IFT43: variants seen among roughly 807,000 people sequenced by gnomAD.
The protein encoded by IFT43 is intraflagellar transport protein 43 homolog.
A neutral mutation model predicts 32.3 loss-of-function variants in IFT43; 33 were observed. The observed-to-expected ratio is 1.02, with a 90% CI of 0.77 to 1.37. The LOEUF is 1.37. IFT43 is among the 40% of genes most tolerant of loss of function. The probability of loss-of-function intolerance (pLI) is 0.00; values close to 1 mark genes in which losing one functional copy is unlikely to be tolerated. For synonymous variants in IFT43, 93 were observed against 98.2 expected, an observed-to-expected ratio of 0.95 and a Z score of 0.31; for missense variants, 274 against 265.9, an observed-to-expected ratio of 1.03 and a Z score of -0.21.
chr14:76,061,012 C>T (rs1594855033), intron 5 of IFT43, among the ~76,000 whole-genome samples: 1 of 152,172 alleles, frequency 6.6e-6, no homozygotes, highest in East Asian at 1.9e-4. Context: ...AGTAATTCTC[C>T]TGCCTCAGCC....
intron 3 of IFT43, among the ~76,000 whole-genome samples, chr14:76,029,476 T>C (rs922535890): frequency 2.0e-5 from 3 of 152,248 alleles, no homozygotes; most frequent in Non-Finnish European, 2.9e-5. Flanking sequence ...TAGATCCCAC[T>C]TGTCAATTTT....
intron 3 of IFT43, among the ~76,000 whole-genome samples, chr14:76,050,627 TGA>T (rs112205481): frequency 0.013 from 2,016 of 152,202 alleles, 55 homozygotes; most frequent in African/African-American, 0.046. Flanking sequence ...CATCTGGTGG[TGA>T]GAGTCTTTTT....
rs569612638 is a variant in IFT43, at chr14:76,071,911, AC to A, written c.296-10377del. Among the ~76,000 whole-genome samples, 15 of 150,686 alleles carry A rather than the reference AC, an allele frequency of 1.0e-4. No individual in the cohort carries two copies. The East Asian group carries it at 1.6e-3, about 16-fold the overall frequency. The stretch of plus-strand genomic sequence containing the variant: ...TCAGACGTGGTCTTTGTGTCTCCTA[AC>A]CCCCCCTGCTCACAGCCCTACTTAT... On this transcript the variant is annotated intron_variant, in intron 5 of 8. Transcript: ENST00000314067.
At chr14:76,041,672 A>ATC (rs1212100413) in intron 3 of IFT43, among the ~76,000 whole-genome samples, 2 of 152,246 alleles carry the variant, frequency 1.3e-5, no homozygotes, top group East Asian at 3.8e-4. Flanking sequence ...GATCCTAGCC[A>ATC]TCTCTCTAGA....
intron 3 of IFT43, among the ~76,000 whole-genome samples, chr14:76,041,809 A>G (rs2036712459): frequency 6.6e-6 from 1 of 152,020 alleles, no homozygotes; most frequent in Non-Finnish European, 1.5e-5. Context: ...ATTCTTTTTT[A>G]TCTTTGCAGT....
chr14:76,066,875 A>G (rs2037232777), intron 5 of IFT43, among the ~76,000 whole-genome samples: 1 of 152,198 alleles, frequency 6.6e-6, no homozygotes, highest in Non-Finnish European at 1.5e-5. Flanking sequence ...GCCCCTTCCC[A>G]GTAGACAGTC....
intron 2 of IFT43, among the ~76,000 whole-genome samples, chr14:76,003,870 C>T (rs1449587868): frequency 2.0e-5 from 3 of 151,790 alleles, no homozygotes; most frequent in Non-Finnish European, 4.4e-5. Context: ...CTCTGCCTCC[C>T]AGTTCAAGCA....
intron 5 of IFT43, among the ~76,000 whole-genome samples, chr14:76,075,917 T>G (rs2037404314): frequency 6.6e-6 from 1 of 152,244 alleles, no homozygotes; most frequent in African/African-American, 2.4e-5. Flanking sequence ...TGTCATCTCC[T>G]AAAAACACGG....
chr14:76,083,615 G>C lies in IFT43; in HGVS notation c.*38G>C. On this transcript the variant is annotated 3_prime_UTR_variant, in exon 9 of 9. Transcript: ENST00000314067. ...TGCTCTAGACATGAAGAAATGCAAT[G>C]AGCTTAAAGCTAAAGAAGCTTGTAA... 1 of 1,608,426 alleles carries C rather than the reference G, an allele frequency of 6.2e-7. No individual in the cohort carries two copies. The highest frequency in any genetic ancestry group is 8.5e-7 in the Non-Finnish European group (1 of 1,176,824).
In IFT43 at chr14:76,055,684, A is replaced by G. The variant is rs148067912; in HGVS notation, c.216-2958A>G. Among the ~76,000 whole-genome samples, 83 of 152,294 alleles carry G rather than the reference A, an allele frequency of 5.4e-4. No homozygotes were observed. In the East Asian group the frequency reaches 0.013, roughly 24 times the overall value. On this transcript the variant is annotated intron_variant, in intron 3 of 8. Transcript: ENST00000314067. ...ACCAGGCAGATAAAGTAAATCTGTG[A>G]AATGGGGTTTTATTTCAGAATGGTA... is the stretch of plus-strand genomic sequence containing the variant.
At chr14:76,000,311 C>T (rs958807341) in intron 2 of IFT43, among the ~76,000 whole-genome samples, 5 of 139,884 alleles carry the variant, frequency 3.6e-5, no homozygotes, top group Non-Finnish European at 7.5e-5. Flanking sequence ...GTTGCCCAAG[C>T]TGGAGTGCAG....
At chr14:76,027,481 G>A (rs1355059148) in intron 3 of IFT43, among the ~76,000 whole-genome samples, 5 of 152,054 alleles carry the variant, frequency 3.3e-5, no homozygotes, top group Non-Finnish European at 7.4e-5. Flanking sequence ...AGGCCGAGGC[G>A]GGTGGATCAC....
At chr14:75,996,013 T>A (rs2035739253) in intron 2 of IFT43, among the ~76,000 whole-genome samples, 1 of 152,214 alleles carries the variant, frequency 6.6e-6, no homozygotes, top group East Asian at 1.9e-4. Context: ...CATCTTGAGA[T>A]TCTCCGCCAG....
At chr14:75,990,536 G>C (rs915340385) in intron 2 of IFT43, among the ~76,000 whole-genome samples, 4 of 152,194 alleles carry the variant, frequency 2.6e-5, no homozygotes, top group African/African-American at 9.6e-5. Context: ...GCCTGCAATT[G>C]TTATTGCGCA....
At chr14:76,061,900 G>A (rs2037141536) in intron 5 of IFT43, among the ~76,000 whole-genome samples, 7 of 152,104 alleles carry the variant, frequency 4.6e-5, no homozygotes, top group Admixed American at 4.6e-4. Flanking sequence ...TGAGCATTAT[G>A]TCAGTGCTCA....
At chr14:75,989,146 G>T (rs111242983) in intron 2 of IFT43, among the ~76,000 whole-genome samples, 169 bp downstream of exon 2, 78 of 152,306 alleles carry the variant, frequency 5.1e-4, no homozygotes, top group African/African-American at 1.8e-3. Flanking sequence ...GCAGGAAATG[G>T]AAGAACTTTT....
At chr14:76,027,725 G>A (rs1170944791) in intron 3 of IFT43, among the ~76,000 whole-genome samples, 3 of 142,318 alleles carry the variant, frequency 2.1e-5, no homozygotes, top group African/African-American at 7.6e-5. Context: ...AAAAAAAAAA[G>A]ATTCATGACA....
In IFT43 at chr14:75,985,820, C is replaced by T. The variant is rs749145719; in HGVS notation, c.34C>T (p.Arg12Cys). ...EDLLDLDEEL[R>C]YSLATSRAKM... is the part of the protein sequence containing the mutation. ...TTTGCTCGACTTGGACGAGGAGCTT[C>T]GCTACAGCTTGGCTACCTCCGTGAG... Residue 12 changes from arginine (R) to cysteine (C), a missense_variant, in exon 1 of 9, where the codon CGC becomes TGC. Physicochemically the swap from Arg to Cys is radical, Grantham distance 180. Coordinates refer to ENST00000314067, the MANE Select transcript of IFT43 (RefSeq NM_001102564.3). The T allele has an allele frequency of 2.3e-5, 37 of 1,614,036 alleles. 2 individuals carry two copies. In the East Asian group the frequency reaches 5.6e-4, roughly 24 times the overall value.
chr14:75,989,114 T>G, intron 2 of IFT43, 137 bp downstream of exon 2: 2 of 1,111,018 alleles, frequency 1.8e-6, no homozygotes, highest in South Asian at 1.4e-5. Context: ...GGGAATTCCC[T>G]TCCTTGGCAT....
Sources: gnomAD v4.1 joint callset for allele counts (sites outside exome capture counted in the v4.1 genomes callset) on GRCh38, gnomAD v4.1.1 for gene constraint, MANE v1.5 for transcripts, NCBI Gene and HGNC (gene_info 2026-07-23, HGNC 2026-07-21) for gene names.